The following MYRIP variants were observed in gnomAD, a reference collection of about 807,000 sequenced individuals.
MYRIP encodes myosin VIIA and Rab interacting protein, also known as rab effector MyRIP.
A neutral mutation model predicts 98.0 loss-of-function variants in MYRIP; 49 were observed. The ratio of observed to expected loss-of-function variants is 0.50; its 90% confidence interval spans 0.40 to 0.63. The LOEUF is 0.63. Among genes scored for constraint, MYRIP ranks in the 30% least tolerant of loss-of-function variants. MYRIP has a pLI of 0.00. For synonymous variants in MYRIP, 404 were observed against 409.5 expected (o/e 0.99, Z 0.16); for missense variants, 1,004 against 1,058.2 (o/e 0.95, Z 0.71).
At chr3:40,151,319 G>A in intron 4 of MYRIP, 135 bp downstream of exon 4, 1 of 974,420 alleles carries the variant, frequency 1.0e-6, no homozygotes, top group Non-Finnish European at 1.4e-6. Context: ...CCAGTGAGAA[G>A]CAGAAATAGA....
intron 1 of MYRIP, among the ~76,000 whole-genome samples, chr3:39,830,831 A>G (rs1941421619): frequency 6.6e-6 from 1 of 152,142 alleles, no homozygotes; most frequent in Non-Finnish European, 1.5e-5. Flanking sequence ...TGTATAAAAA[A>G]GAAAAAAAAC....
At chr3:40,202,824 C>G (rs1397364106) in intron 10 of MYRIP, among the ~76,000 whole-genome samples, 1 of 152,016 alleles carries the variant, frequency 6.6e-6, no homozygotes, top group South Asian at 2.1e-4. Context: ...GAGTGTGCAC[C>G]CAAACAGTGT....
intron 2 of MYRIP, among the ~76,000 whole-genome samples, chr3:39,999,727 A>G (rs889633489): frequency 1.3e-5 from 2 of 152,158 alleles, no homozygotes; most frequent in African/African-American, 4.8e-5. Flanking sequence ...ACATGCACAC[A>G]TATGTTTATT....
At chr3:40,231,218 G>A (rs544685271) in intron 11 of MYRIP, among the ~76,000 whole-genome samples, 37 of 152,326 alleles carry the variant, frequency 2.4e-4, no homozygotes, top group South Asian at 2.1e-3. Context: ...AAGCTGTGGC[G>A]CTCTCCTCAG....
At chr3:39,898,450 C>G (rs1404641536) in intron 1 of MYRIP, among the ~76,000 whole-genome samples, 1 of 152,052 alleles carries the variant, frequency 6.6e-6, no homozygotes, top group East Asian at 1.9e-4. Context: ...AGATAACCTT[C>G]TTTTAAATAG....
At position 40,005,814 on chromosome 3, in the gene MYRIP, T is replaced by C. The variant is rs559922081; in HGVS notation, c.111-38236T>C. On this transcript the variant is annotated intron_variant, in intron 2 of 16. Coordinates refer to ENST00000302541, the MANE Select transcript of MYRIP (RefSeq NM_015460.4). Reference sequence around the variant, plus strand: ...ATCTCCTTTGTAACTGGGTCTATAATGTGGAAAATACATTAAATAAAATAT... The same window carrying C: ...ATCTCCTTTGTAACTGGGTCTATAACGTGGAAAATACATTAAATAAAATAT... 2.6e-5 allele frequency among the ~76,000 whole-genome samples: 4 copies of C among 152,306 alleles called. No individual in the cohort carries two copies. The South Asian group carries it at 8.3e-4, about 32-fold the overall frequency.
At chr3:40,029,896 C>T (rs1185919880) in intron 2 of MYRIP, among the ~76,000 whole-genome samples, 1 of 151,730 alleles carries the variant, frequency 6.6e-6, no homozygotes, top group Non-Finnish European at 1.5e-5. Flanking sequence ...CCCGTCTCTA[C>T]AAAAAAATTA....
At chr3:40,084,263 ATATAATACACATCTAT>A (rs1948552505) in intron 3 of MYRIP, among the ~76,000 whole-genome samples, 2 of 98,218 alleles carry the variant, frequency 2.0e-5, no homozygotes, top group Non-Finnish European at 4.4e-5. Context: ...TATATAAAAT[ATATAATACACATCTAT>A]GTATTATATA....
intron 13 of MYRIP, 165 bp downstream of exon 13, chr3:40,244,772 T>A: frequency 2.6e-6 from 2 of 781,162 alleles, no homozygotes; most frequent in Non-Finnish European, 3.9e-6. Flanking sequence ...ATTCTCCCTT[T>A]AAAAGTGTAG....
chr3:40,189,662 T>C (rs180992723), intron 9 of MYRIP, among the ~76,000 whole-genome samples, 164 bp from the exon 10 acceptor site: 1 of 152,218 alleles, frequency 6.6e-6, no homozygotes, highest in Non-Finnish European at 1.5e-5. Flanking sequence ...TTGGGGAACT[T>C]TGAACTCTGC....
chr3:39,974,279 G>A (rs538406567), intron 2 of MYRIP, among the ~76,000 whole-genome samples: 2,322 of 152,046 alleles, frequency 0.015, 51 homozygotes, highest in African/African-American at 0.051. Flanking sequence ...ACACCTCTAT[G>A]CAAATAAACT....
At chr3:39,890,177 T>C (rs1286804752) in intron 1 of MYRIP, among the ~76,000 whole-genome samples, 1 of 152,024 alleles carries the variant, frequency 6.6e-6, no homozygotes, top group African/African-American at 2.4e-5. Flanking sequence ...CTCGTTTTTT[T>C]TCCCCCATTT....
At chr3:40,178,936 T>C (rs941742412) in intron 8 of MYRIP, among the ~76,000 whole-genome samples, 1 of 152,184 alleles carries the variant, frequency 6.6e-6, no homozygotes, top group Non-Finnish European at 1.5e-5. Context: ...CTTGCATAGA[T>C]GTTCAAACAC....
At chr3:39,932,862 C>T (rs1944572085) in intron 2 of MYRIP, among the ~76,000 whole-genome samples, 1 of 152,214 alleles carries the variant, frequency 6.6e-6, no homozygotes, top group African/African-American at 2.4e-5. Context: ...AGCCTCACTT[C>T]TCAGAGATGT....
chr3:39,838,242 T>G (rs942529758), intron 1 of MYRIP, among the ~76,000 whole-genome samples: 4 of 141,516 alleles, frequency 2.8e-5, no homozygotes, highest in African/African-American at 1.0e-4. Flanking sequence ...CTTCCAATAC[T>G]ATGTTGAATA....
chr3:40,258,232 C>T lies in MYRIP; in HGVS notation c.*66C>T. 1 of 1,581,730 alleles carries T rather than the reference C, an allele frequency of 6.3e-7. No individual in the cohort carries two copies. ...CGTACACGACAGTGCCTTGACCCAA[C>T]AGCCATCGAGTACTGTATGTATTTC... On this transcript the variant is annotated 3_prime_UTR_variant, in exon 17 of 17. Coordinates refer to ENST00000302541, the MANE Select transcript of MYRIP (RefSeq NM_015460.4).
At chr3:39,873,293 G>C (rs1329505348) in intron 1 of MYRIP, among the ~76,000 whole-genome samples, 1 of 152,078 alleles carries the variant, frequency 6.6e-6, no homozygotes, top group South Asian at 2.1e-4. Flanking sequence ...TAGGTTGCCT[G>C]TTCACTCTGA....
At chr3:40,158,463 G>A (rs989022566) in intron 4 of MYRIP, among the ~76,000 whole-genome samples, 4 of 152,120 alleles carry the variant, frequency 2.6e-5, no homozygotes, top group African/African-American at 7.2e-5. Context: ...TGAAAAAAAT[G>A]TATATTCTGT....
At chr3:39,893,665 A>C (rs187079969) in intron 1 of MYRIP, among the ~76,000 whole-genome samples, 1,408 of 138,628 alleles carry the variant, frequency 0.01, 27 homozygotes, top group African/African-American at 0.038. Context: ...TAATTATTTT[A>C]AGTGGAAATC....
Sources: gnomAD v4.1 joint callset for allele counts (sites outside exome capture counted in the v4.1 genomes callset) on GRCh38, gnomAD v4.1.1 for gene constraint, MANE v1.5 for transcripts, NCBI Gene and HGNC (gene_info 2026-07-23, HGNC 2026-07-21) for gene names.